Variants in SPATS2L observed in about 807,000 individuals in gnomAD.
SPATS2L encodes spermatogenesis associated serine rich 2 like.
In SPATS2L, 30 loss-of-function variants were observed where a neutral mutation model predicts 59.6. That is an observed-to-expected ratio of 0.50 (90% CI 0.38 to 0.68). The LOEUF is 0.68. SPATS2L is among the 30% of genes least tolerant of loss of function. The probability of loss-of-function intolerance (pLI) is 0.00; values close to 1 mark genes in which losing one functional copy is unlikely to be tolerated. For missense variants in SPATS2L, 615 were observed against 700.0 expected, an observed-to-expected ratio of 0.88 and a Z score of 1.37; for synonymous variants, 252 against 263.5, an observed-to-expected ratio of 0.96 and a Z score of 0.42.
At chr2:200,323,753 T>C (rs1315472474) in intron 1 of SPATS2L, among the ~76,000 whole-genome samples, 2 of 152,190 alleles carry the variant, frequency 1.3e-5, no homozygotes, top group Non-Finnish European at 2.9e-5. Context: ...ATTATGTTGT[T>C]CTAAGATAGA....
At chr2:200,457,223 T>TACACACAC (rs4035249) in intron 8 of SPATS2L, among the ~76,000 whole-genome samples, 4 of 148,012 alleles carry the variant, frequency 2.7e-5, no homozygotes, top group African/African-American at 1.0e-4. Flanking sequence ...AAAACATACA[T>TACACACAC]ACACACACAC....
At chr2:200,383,688 C>G (rs1192107027) in intron 2 of SPATS2L, among the ~76,000 whole-genome samples, 1 of 152,112 alleles carries the variant, frequency 6.6e-6, no homozygotes, top group African/African-American at 2.4e-5. Context: ...TGGCATTTAC[C>G]CACTCCAGCT....
intron 8 of SPATS2L, among the ~76,000 whole-genome samples, chr2:200,451,607 A>C (rs1468643911): frequency 2.6e-5 from 4 of 152,102 alleles, no homozygotes; most frequent in Non-Finnish European, 5.9e-5. Flanking sequence ...CTAGGCCAAA[A>C]ACAAGAAGAG....
At chr2:200,446,799 T>C (rs2085077120) in intron 8 of SPATS2L, among the ~76,000 whole-genome samples, 1 of 152,164 alleles carries the variant, frequency 6.6e-6, no homozygotes, top group African/African-American at 2.4e-5. Flanking sequence ...TCCAATCACA[T>C]ACCCAAAGAA....
At chr2:200,338,170 G>A (rs1176121485) in intron 2 of SPATS2L, among the ~76,000 whole-genome samples, 1 of 152,058 alleles carries the variant, frequency 6.6e-6, no homozygotes, top group African/African-American at 2.4e-5. Flanking sequence ...GAATACAGGT[G>A]TGTGCCACCA....
At chr2:200,417,832 C>T (rs2083128253) in intron 5 of SPATS2L, among the ~76,000 whole-genome samples, 1 of 152,200 alleles carries the variant, frequency 6.6e-6, no homozygotes, top group Non-Finnish European at 1.5e-5. Context: ...CGAAGCCACG[C>T]TGATGTTCAG....
chr2:200,315,376 G>A (rs1045287924), intron 1 of SPATS2L, among the ~76,000 whole-genome samples: 7 of 152,262 alleles, frequency 4.6e-5, no homozygotes, highest in East Asian at 1.9e-4. Flanking sequence ...AGGAATTCTC[G>A]TGGTATGGTA....
intron 2 of SPATS2L, among the ~76,000 whole-genome samples, chr2:200,371,226 T>A (rs2081416631): frequency 6.6e-6 from 1 of 152,134 alleles, no homozygotes; most frequent in Admixed American, 6.6e-5. Flanking sequence ...AGACAAAATG[T>A]CTTATCCACA....
chr2:200,430,628 C>T (rs1039343252), intron 6 of SPATS2L, among the ~76,000 whole-genome samples: 7 of 151,376 alleles, frequency 4.6e-5, no homozygotes, highest in African/African-American at 1.5e-4. Flanking sequence ...TCTTTAAAAA[C>T]GTGATTTAAA....
intron 2 of SPATS2L, among the ~76,000 whole-genome samples, chr2:200,367,596 C>A (rs2081304560): frequency 1.3e-5 from 2 of 152,132 alleles, no homozygotes; most frequent in Admixed American, 1.3e-4. Flanking sequence ...TGTTTGCGTG[C>A]AGCGTTTGCA....
chr2:200,403,193 G>C (rs1021773095), intron 3 of SPATS2L, among the ~76,000 whole-genome samples: 1 of 152,164 alleles, frequency 6.6e-6, no homozygotes, highest in African/African-American at 2.4e-5. Flanking sequence ...CCCAACCAAG[G>C]CAGGTGCAGG....
Position 200,469,959 on chromosome 2 carries a change from G to T in SPATS2L, c.1003G>T (p.Ala335Ser). 6.2e-7 allele frequency: 1 copy of T among 1,612,424 alleles called. No individual in the cohort carries two copies. The highest frequency in any genetic ancestry group is 8.5e-7 in the Non-Finnish European group (1 of 1,179,244). Residue 335 changes from alanine (A) to serine (S), a missense_variant, in exon 11 of 13, where the codon GCC (alanine) becomes TCC (serine). Ala to Ser is a moderately conservative substitution (Grantham distance 99). This residue lies in a region of SPATS2L where 104 missense variants were observed against 162.5 expected (regional missense o/e 0.64). Coordinates refer to ENST00000409140, the MANE Select transcript of SPATS2L (RefSeq NM_001100423.2). ...RKYDEELGKA[A>S]RFSCDIEQLK... ...ATATGACGAGGAGCTCGGGAAAGCT[G>T]CCCGGTTTTCCTGTGACATCGAACA...
intron 2 of SPATS2L, among the ~76,000 whole-genome samples, chr2:200,340,951 A>G (rs1276392595): frequency 6.6e-6 from 1 of 152,222 alleles, no homozygotes; most frequent in African/African-American, 2.4e-5. Flanking sequence ...TGATAAAATT[A>G]TGAATCACAG....
At chr2:200,385,767 A>G (rs974766253) in intron 2 of SPATS2L, among the ~76,000 whole-genome samples, 3 of 151,540 alleles carry the variant, frequency 2.0e-5, no homozygotes, top group Admixed American at 6.6e-5. Context: ...ATCTTGGCTC[A>G]CTGCAAGCTC....
At chr2:200,362,722 G>A (rs1350062202) in intron 2 of SPATS2L, among the ~76,000 whole-genome samples, 1 of 152,146 alleles carries the variant, frequency 6.6e-6, no homozygotes, top group Non-Finnish European at 1.5e-5. Context: ...GCTTTGTAGC[G>A]CCAGCCTAGC....
intron 8 of SPATS2L, among the ~76,000 whole-genome samples, chr2:200,453,041 G>A (rs1335300506): frequency 1.3e-4 from 20 of 152,218 alleles, no homozygotes; most frequent in Admixed American, 9.8e-4. Context: ...GCCAAGGACT[G>A]GGTAATGTGC....
At chr2:200,392,373 A>G (rs1221452313) in intron 3 of SPATS2L, among the ~76,000 whole-genome samples, 1 of 152,100 alleles carries the variant, frequency 6.6e-6, no homozygotes, top group Admixed American at 6.5e-5. Flanking sequence ...GGGGTGGTGA[A>G]CCCAGAGAGG....
intron 2 of SPATS2L, among the ~76,000 whole-genome samples, chr2:200,352,622 G>A (rs997125019): frequency 6.6e-6 from 1 of 151,880 alleles, no homozygotes; most frequent in African/African-American, 2.4e-5. Flanking sequence ...CCCTTGGAGA[G>A]GGAAGCATTA....
chr2:200,315,130 G>A (rs971201654), intron 1 of SPATS2L, among the ~76,000 whole-genome samples: 1 of 152,214 alleles, frequency 6.6e-6, no homozygotes, highest in African/African-American at 2.4e-5. Flanking sequence ...TCCTGTACGA[G>A]CCAAGCCCAC....
Sources: gnomAD v4.1 joint callset for allele counts (sites outside exome capture counted in the v4.1 genomes callset) on GRCh38, gnomAD v4.1.1 for gene constraint, gnomAD v4.1.1 regional missense constraint, MANE v1.5 for transcripts, NCBI Gene and HGNC (gene_info 2026-07-23, HGNC 2026-07-21) for gene names.